Variants in IWS1 observed in about 807,000 individuals in gnomAD.
IWS1 encodes the protein protein IWS1 homolog.
IWS1 carries 27 observed loss-of-function variants against 86.7 expected under a neutral mutation model. The ratio of observed to expected loss-of-function variants is 0.31; its 90% CI spans 0.23 to 0.43. The LOEUF (loss-of-function observed/expected upper bound fraction) is 0.43. Ranked by LOEUF, IWS1 falls within the 20% of genes least tolerant of loss-of-function variation. IWS1 has a pLI of 1.00. For synonymous variants in IWS1, 313 were observed against 335.1 expected, an observed-to-expected ratio of 0.93 and a Z score of 0.72; for missense variants, 827 against 1,000.8, an observed-to-expected ratio of 0.83 and a Z score of 2.34.
At chr2:127,524,630 C>A (rs1465915388) in intron 1 of IWS1, among the ~76,000 whole-genome samples, 2 of 152,058 alleles carry the variant, frequency 1.3e-5, no homozygotes, top group Admixed American at 6.5e-5. Context: ...CCTCCACCCC[C>A]CCGGGTTCAA....
chr2:127,483,291 G>A (rs1354994432), intron 13 of IWS1, among the ~76,000 whole-genome samples: 3 of 151,958 alleles, frequency 2.0e-5, no homozygotes, highest in African/African-American at 7.3e-5. Context: ...CATTATTTAG[G>A]AGTAAAAAAT....
At position 127,505,172 on chromosome 2, in the gene IWS1, T is replaced by G; in HGVS notation, c.731A>C (p.Lys244Thr). The G allele has an allele frequency of 6.2e-7, 1 of 1,613,752 alleles. No individual in the cohort carries two copies. The highest frequency in any genetic ancestry group is 1.3e-5 in the African/African-American group (1 of 74,970). The change falls in exon 3 of 14, where the codon AAA becomes ACA. Residue 244 changes from lysine (K) to threonine (T), a missense_variant. Lys to Thr is a moderately conservative substitution (Grantham distance 78, BLOSUM62 -1). Around this residue, in one of 2 missense-constraint regions of IWS1, gnomAD observed 548 missense variants for 560.2 expected, o/e 0.98. Transcript: ENST00000295321. This position sits in a 1 kb window ranked among gnomAD's most constrained non-coding sequence, Gnocchi z 5.0. Reference sequence around the variant, plus strand: ...ACTTTCTGAGTCACTGATACGAGGTTTGGGAAGCTCCTCATTTTCAGAGTC... The same window carrying G: ...ACTTTCTGAGTCACTGATACGAGGTGTGGGAAGCTCCTCATTTTCAGAGTC... ...ASDSENEELP[K>T]PRISDSESED...
chr2:127,484,952 G>A (rs564548476), intron 13 of IWS1, among the ~76,000 whole-genome samples: 7 of 151,792 alleles, frequency 4.6e-5, no homozygotes, highest in South Asian at 2.1e-4. Flanking sequence ...AGTGGAGATC[G>A]CACCACTGCA....
intron 2 of IWS1, among the ~76,000 whole-genome samples, chr2:127,518,096 G>T (rs534827762): frequency 1.3e-5 from 2 of 152,292 alleles, no homozygotes; most frequent in South Asian, 4.2e-4. Flanking sequence ...GGTTAGAAAG[G>T]TAACAGCAAA....
chr2:127,501,332 G>A (rs933748929), intron 5 of IWS1, among the ~76,000 whole-genome samples: 1 of 151,602 alleles, frequency 6.6e-6, no homozygotes, highest in African/African-American at 2.4e-5. Flanking sequence ...TTTTCTGAAC[G>A]TATTTTTTTT....
intron 6 of IWS1, among the ~76,000 whole-genome samples, chr2:127,497,446 A>C (rs894972896): frequency 3.3e-5 from 5 of 152,248 alleles, no homozygotes; most frequent in African/African-American, 1.2e-4. Context: ...TATAACTCTC[A>C]AAACATAATG....
intron 2 of IWS1, among the ~76,000 whole-genome samples, chr2:127,521,813 C>T (rs898620871): frequency 1.3e-5 from 2 of 152,106 alleles, no homozygotes; most frequent in South Asian, 2.1e-4. Context: ...AACAGCCACA[C>T]TTATTTATTT....
intron 2 of IWS1, among the ~76,000 whole-genome samples, chr2:127,511,774 A>G (rs888413284): frequency 8.5e-5 from 13 of 152,262 alleles, no homozygotes; most frequent in African/African-American, 3.1e-4. Context: ...AAACATTATT[A>G]GAATCAAAGA....
At position 127,526,339 on chromosome 2, in the gene IWS1, G is replaced by A. The variant is rs1204979727; in HGVS notation, c.-131C>T. Reference sequence around the variant, plus strand: ...CGCCCGACCGGAGAACTTAACGGGTGCGGAGGGTAAGAAAGCGGTAGCGGC... The same window carrying A: ...CGCCCGACCGGAGAACTTAACGGGTACGGAGGGTAAGAAAGCGGTAGCGGC... On this transcript the variant is annotated 5_prime_UTR_variant, in exon 1 of 14. Coordinates refer to ENST00000295321, the MANE Select transcript of IWS1 (RefSeq NM_017969.3). 1.9e-6 allele frequency: 3 copies of A among 1,538,546 alleles called. No homozygotes were observed. The highest frequency in any genetic ancestry group is 1.7e-6 in the Non-Finnish European group (2 of 1,146,700).
chr2:127,483,591 T>TGGGGGGGG (rs1187157658), intron 13 of IWS1, among the ~76,000 whole-genome samples: 1 of 17,518 alleles, frequency 5.7e-5, no homozygotes. Flanking sequence ...GGTGGTGGGG[T>TGGGGGGGG]GGGGGGGTTG....
Position 127,505,727 on chromosome 2 carries a change from C to G in IWS1, c.176G>C (p.Gly59Ala), listed in dbSNP as rs1691109462. 6.4e-7 allele frequency: 1 copy of G among 1,552,698 alleles called. No individual in the cohort carries two copies. The highest frequency in any genetic ancestry group is 8.7e-7 in the Non-Finnish European group (1 of 1,152,816). ...SENETSDRED[G>A]LPKGHHVTDS... The stretch of plus-strand genomic sequence containing the variant: ...TGTCACATGATGTCCTTTGGGGAGG[C>G]CATCTTCTCGATCACTAGTTTCATT... The change falls in exon 3 of 14, where the codon GGC becomes GCC. Residue 59 changes from glycine to alanine, a missense_variant. This residue lies in a region of IWS1 where 548 missense variants were observed against 560.2 expected (regional missense o/e 0.98). Transcript: ENST00000295321. The surrounding 1 kb of genome is among the most constrained non-coding windows in gnomAD (Gnocchi z 5.0).
chr2:127,485,993 T>C (rs951282738), intron 13 of IWS1: 4 of 153,668 alleles, frequency 2.6e-5, no homozygotes, highest in Non-Finnish European at 4.3e-5. Context: ...TCGCCTCTTA[T>C]GCTTTTCCAA....
At chr2:127,498,014 G>C in intron 6 of IWS1, 126 bp downstream of exon 6, 1 of 664,516 alleles carries the variant, frequency 1.5e-6, no homozygotes, top group Non-Finnish European at 2.6e-6. Context: ...CGTAAATGGA[G>C]AAAAACAGGA....
chr2:127,484,456 C>T (rs945238294), intron 13 of IWS1: 2 of 152,132 alleles, frequency 1.3e-5, no homozygotes, highest in African/African-American at 4.8e-5. Flanking sequence ...CATGTCTTTT[C>T]TAATACTGCT....
At position 127,489,373 on chromosome 2, in the gene IWS1, T is replaced by C. The variant is rs1423226388; in HGVS notation, c.2160-138A>G. ...GGATCAGGGAAAATAATTCCTAATC[T>C]TTAAAAAGTACTACTCATTTTAGTA... On this transcript the variant is annotated intron_variant, in intron 11 of 13. Transcript: ENST00000295321. This position sits in a 1 kb window ranked among gnomAD's most constrained non-coding sequence, Gnocchi z 4.8. 19 of 641,268 alleles carry C rather than the reference T, an allele frequency of 3.0e-5. No individual in the cohort carries two copies. The highest frequency in any genetic ancestry group is 4.4e-5 in the Non-Finnish European group (16 of 361,906). The allele number at this position is 641,268 out of a possible 1,614,324, so 39.7% of individuals were successfully genotyped here. A position where few individuals can be genotyped will look rare whatever the true frequency, so the allele number is the denominator to read the frequency against.
intron 1 of IWS1, among the ~76,000 whole-genome samples, chr2:127,525,080 A>G (rs1299782421): frequency 1.8e-5 from 2 of 110,026 alleles, no homozygotes; most frequent in Non-Finnish European, 3.4e-5. Flanking sequence ...ATTTTTTTGT[A>G]GAGACGAAGT....
chr2:127,526,568 A>T, upstream of IWS1: 3 of 1,404,284 alleles, frequency 2.1e-6, no homozygotes, highest in African/African-American at 1.4e-5. Context: ...AACAGCAATG[A>T]CGCCAGGCAC....
chr2:127,484,136 T>G (rs1573496746), intron 13 of IWS1, among the ~76,000 whole-genome samples: 1 of 152,098 alleles, frequency 6.6e-6, no homozygotes, highest in South Asian at 2.1e-4. Context: ...AAACCCCATC[T>G]CTACTAAAAA....
At chr2:127,522,448 T>C (rs1692149898) in intron 2 of IWS1, among the ~76,000 whole-genome samples, 1 of 152,256 alleles carries the variant, frequency 6.6e-6, no homozygotes, top group African/African-American at 2.4e-5. Context: ...CTTAATGTCT[T>C]TCTCCTCCTA....
Sources: gnomAD v4.1 joint callset for allele counts (sites outside exome capture counted in the v4.1 genomes callset) on GRCh38, gnomAD v4.1.1 for gene constraint, gnomAD v4.1.1 regional missense constraint, Gnocchi (gnomAD v3.1) non-coding constraint, MANE v1.5 for transcripts, NCBI Gene and HGNC (gene_info 2026-07-23, HGNC 2026-07-21) for gene names.